Variants in ZMYND8 observed in about 807,000 individuals in gnomAD.
ZMYND8 encodes the protein zinc finger MYND-type containing 8, also known as MYND-type zinc finger-containing chromatin reader ZMYND8.
Under a neutral mutation model 140.8 loss-of-function variants are expected in ZMYND8, and 37 were observed. The observed-to-expected ratio is 0.26, with a 90% CI of 0.20 to 0.35. The LOEUF (loss-of-function observed/expected upper bound fraction) is 0.35, where lower values mean the gene tolerates loss of function less well. Ranked by LOEUF, ZMYND8 falls within the 10% of genes least tolerant of loss-of-function variation. ZMYND8 has a pLI of 1.00. For synonymous variants in ZMYND8, 592 were observed against 597.1 expected (o/e 0.99, Z 0.12); for missense variants, 1,068 against 1,570.0 (o/e 0.68, Z 5.40).
At position 47,221,459 on chromosome 20, in the gene ZMYND8, T is replaced by C; in HGVS notation, c.3272A>G (p.Gln1091Arg). 2 of 1,614,078 alleles carry C rather than the reference T, an allele frequency of 1.2e-6. No homozygotes were observed. Among genetic ancestry groups the C allele is most frequent in the Non-Finnish European group, 1.7e-6 (2 of 1,179,982 alleles). ...TGTGTTCACCTCAGCATCCGCTTCC[T>C]GCTGAGGAGCAGTAGCTGGGGACAA... ...SCTQSATAPQ[Q>R]EADAEVNTET... Residue 1091 changes from glutamine (Q) to arginine (R), a missense_variant, in exon 20 of 23, where the codon CAG becomes CGG. Around this residue, in one of 10 missense-constraint regions of ZMYND8, gnomAD observed 180 missense variants for 187.8 expected, o/e 0.96. Coordinates refer to ENST00000471951, the MANE Select transcript of ZMYND8 (RefSeq NM_001281775.3).
chr20:47,347,983 G>A, intron 1 of ZMYND8, 57 bp from the exon 2 acceptor site: 1 of 1,566,684 alleles, frequency 6.4e-7, no homozygotes, highest in Middle Eastern at 1.7e-4. Flanking sequence ...GCCCCATGGG[G>A]GCAGCTATTT....
chr20:47,245,057 G>GC (rs980561851), intron 14 of ZMYND8, among the ~76,000 whole-genome samples: 13 of 151,778 alleles, frequency 8.6e-5, no homozygotes, highest in South Asian at 6.3e-4. Context: ...AATTCTGTCC[G>GC]CCCCCCCTCC....
At chr20:47,301,375 C>T (rs1187082525) in intron 3 of ZMYND8, among the ~76,000 whole-genome samples, 3 of 151,860 alleles carry the variant, frequency 2.0e-5, no homozygotes, top group South Asian at 2.1e-4. Context: ...AGGATGGTCT[C>T]GAACTCCTGA....
intron 2 of ZMYND8, among the ~76,000 whole-genome samples, chr20:47,347,493 G>A (rs2082428107): frequency 6.6e-6 from 1 of 152,174 alleles, no homozygotes. Flanking sequence ...ATTCCAAAGA[G>A]GTCTGTTGTT....
At chr20:47,294,644 C>T in intron 5 of ZMYND8, 22 bp downstream of exon 5, 1 of 1,602,592 alleles carries the variant, frequency 6.2e-7, no homozygotes. Context: ...TACGCGTATA[C>T]CAAGAGGAAC....
intron 2 of ZMYND8, among the ~76,000 whole-genome samples, chr20:47,314,222 G>A (rs1369915181): frequency 6.6e-6 from 1 of 152,132 alleles, no homozygotes; most frequent in African/African-American, 2.4e-5. Context: ...AAATTGGCCA[G>A]GTGCGGTGGC....
Position 47,348,029 on chromosome 20 carries a change from C to T in ZMYND8, c.15-103G>A, listed in dbSNP as rs754632361. The T allele has an allele frequency of 9.1e-5, 100 of 1,102,458 alleles. No individual in the cohort carries two copies. In the South Asian group the frequency reaches 1.1e-3, roughly 13 times the overall value. 68.3% of individuals were successfully genotyped at this position (1,102,458 alleles called of 1,614,324 possible). A position where few individuals can be genotyped will look rare whatever the true frequency, so the allele number is the denominator to read the frequency against. The stretch of plus-strand genomic sequence containing the variant: ...GCAACAAACACACCTTAAAGACATT[C>T]CCTCATCCTTATCCAGGGCTGGGGG... On this transcript the variant is annotated intron_variant, in intron 1 of 22. Coordinates refer to ENST00000471951, the MANE Select transcript of ZMYND8 (RefSeq NM_001281775.3).
intron 16 of ZMYND8, among the ~76,000 whole-genome samples, chr20:47,235,084 G>T (rs1568940755): frequency 6.6e-6 from 1 of 152,144 alleles, no homozygotes; most frequent in African/African-American, 2.4e-5. Flanking sequence ...CATCAGTAAA[G>T]AATAAATTAT....
Position 47,210,279 on chromosome 20 carries a change from G to A in ZMYND8, c.*482C>T, listed in dbSNP as rs952385269. The stretch of plus-strand genomic sequence containing the variant: ...GCGAAAACGGTTCGCCCTCCCCTGG[G>A]TATCCAAGGATGAGGACGTGAGTAT... On this transcript the variant is annotated 3_prime_UTR_variant, in exon 23 of 23. Transcript: ENST00000471951. 3.2e-5 allele frequency: 5 copies of A among 157,498 alleles called. No homozygotes were observed. Among genetic ancestry groups the A allele is most frequent in the Non-Finnish European group, 4.2e-5 (3 of 71,164 alleles). The allele number at this position is 157,498 out of a possible 1,614,324, so 9.8% of individuals were successfully genotyped here. A position where few individuals can be genotyped will look rare whatever the true frequency, so the allele number is the denominator to read the frequency against.
chr20:47,263,561 A>G (rs1318288974), intron 11 of ZMYND8, among the ~76,000 whole-genome samples: 1 of 152,212 alleles, frequency 6.6e-6, no homozygotes, highest in Non-Finnish European at 1.5e-5. Flanking sequence ...ACCTGCCTGC[A>G]TTACTGTTAA....
chr20:47,227,768 A>G (rs1443169865), intron 17 of ZMYND8, among the ~76,000 whole-genome samples: 4 of 152,162 alleles, frequency 2.6e-5, no homozygotes, highest in Non-Finnish European at 5.9e-5. Flanking sequence ...ATAAACAAAC[A>G]AACTCGACCT....
chr20:47,232,938 G>A (rs922958193), intron 16 of ZMYND8, among the ~76,000 whole-genome samples: 16 of 139,846 alleles, frequency 1.1e-4, no homozygotes, highest in African/African-American at 2.3e-4. Context: ...GAGGAGTTTC[G>A]CTCTGTCCCC....
intron 16 of ZMYND8, among the ~76,000 whole-genome samples, chr20:47,232,421 G>C (rs927161925): frequency 1.3e-5 from 2 of 150,668 alleles, no homozygotes. Context: ...AGTGTCAAGG[G>C]GAGCTGGGGT....
intron 1 of ZMYND8, 153 bp downstream of exon 1, chr20:47,356,504 A>T: frequency 6.2e-7 from 1 of 1,603,100 alleles, no homozygotes; most frequent in Middle Eastern, 1.7e-4. Context: ...GACCCAAGAA[A>T]GCAAAAAAAT....
chr20:47,298,561 G>T lies in ZMYND8; in HGVS notation c.453+168C>A. ...TCTTTCCAAGAGCTGCAGTACTGCAGCCACTGCCGGTGTTGGTCAAGAAGG... is the reference window on the plus strand; with the variant it reads ...TCTTTCCAAGAGCTGCAGTACTGCATCCACTGCCGGTGTTGGTCAAGAAGG... On this transcript the variant is annotated intron_variant, in intron 4 of 22. Coordinates refer to ENST00000471951, the MANE Select transcript of ZMYND8 (RefSeq NM_001281775.3). The surrounding 1 kb of genome is among the most constrained non-coding windows in gnomAD (Gnocchi z 5.0). 2 of 985,438 alleles carry T rather than the reference G, an allele frequency of 2.0e-6. No homozygotes were observed. The highest frequency in any genetic ancestry group is 2.4e-6 in the Non-Finnish European group (2 of 829,938). 61.0% of individuals were successfully genotyped at this position (985,438 alleles called of 1,614,324 possible). A position where few individuals can be genotyped will look rare whatever the true frequency, so the allele number is the denominator to read the frequency against.
intron 19 of ZMYND8, among the ~76,000 whole-genome samples, chr20:47,223,179 T>G (rs577176520): frequency 4.6e-5 from 7 of 152,200 alleles, no homozygotes; most frequent in African/African-American, 1.7e-4. Context: ...ACAAAGCTAG[T>G]ATCATTTGCC....
In ZMYND8 at chr20:47,238,618, A is replaced by T. The variant is rs1302290143; in HGVS notation, c.2665+140T>A. ...AATTTTTAAAAATAATGCCAAATGG[A>T]ATGTGCAAGGCCTTCAAGATACAAT... On this transcript the variant is annotated intron_variant, in intron 15 of 22. Coordinates refer to ENST00000471951, the MANE Select transcript of ZMYND8 (RefSeq NM_001281775.3). 8 of 1,404,104 alleles carry T rather than the reference A, an allele frequency of 5.7e-6. No homozygotes were observed. In the South Asian group the frequency reaches 6.7e-5, roughly 12 times the overall value. The allele number at this position is 1,404,104 out of a possible 1,614,324, so 87.0% of individuals were successfully genotyped here. A position where few individuals can be genotyped will look rare whatever the true frequency, so the allele number is the denominator to read the frequency against.
At chr20:47,249,054 C>T (rs747817154) in intron 13 of ZMYND8, among the ~76,000 whole-genome samples, 3 of 152,158 alleles carry the variant, frequency 2.0e-5, no homozygotes, top group Non-Finnish European at 4.4e-5. Context: ...CTCGAGTTTC[C>T]AGACTGCTTT....
intron 3 of ZMYND8, among the ~76,000 whole-genome samples, chr20:47,302,520 T>C (rs2078137568): frequency 1.3e-5 from 2 of 152,130 alleles, no homozygotes; most frequent in African/African-American, 4.8e-5. Flanking sequence ...ACTATGTATA[T>C]GCAAATATTC....
Sources: allele counts gnomAD v4.1 joint callset (sites outside exome capture counted in the v4.1 genomes callset), GRCh38; gene constraint gnomAD v4.1.1; regional missense constraint gnomAD v4.1.1; non-coding constraint Gnocchi (gnomAD v3.1); transcripts MANE v1.5; gene names NCBI Gene and HGNC (gene_info 2026-07-23, HGNC 2026-07-21).